Variants in AP3S2 observed in about 807,000 individuals in gnomAD.
AP3S2 encodes adaptor related protein complex 3 subunit sigma 2.
In AP3S2, 22 loss-of-function variants were observed where a neutral mutation model predicts 23.4. That is an observed-to-expected ratio of 0.94 (90% confidence interval 0.67 to 1.34). The LOEUF is 1.34. Among genes scored for constraint, AP3S2 ranks in the 40% most tolerant of loss-of-function variants. The pLI is 0.00. For missense variants in AP3S2, 241 were observed against 236.9 expected (o/e 1.02, Z -0.11); for synonymous variants, 86 against 87.1 (o/e 0.99, Z 0.07).
At chr15:89,846,192 C>T (rs1003066493) in intron 4 of AP3S2, among the ~76,000 whole-genome samples, 1 of 152,150 alleles carries the variant, frequency 6.6e-6, no homozygotes, top group Non-Finnish European at 1.5e-5. Context: ...GAGTGAAAGT[C>T]GGTGTTTTTA....
intron 3 of AP3S2, among the ~76,000 whole-genome samples, chr15:89,874,915 G>T (rs974147505): frequency 1.3e-5 from 2 of 151,196 alleles, no homozygotes; most frequent in African/African-American, 4.8e-5. Flanking sequence ...ATTTTAAGTT[G>T]GTGGGGAAAA....
intron 4 of AP3S2, among the ~76,000 whole-genome samples, chr15:89,844,638 T>C (rs1285571185): frequency 6.6e-6 from 1 of 151,770 alleles, no homozygotes; most frequent in Admixed American, 6.6e-5. Context: ...TGTGAGCCAA[T>C]GTGCCCAACC....
chr15:89,868,203 G>A (rs1290486776), intron 4 of AP3S2, among the ~76,000 whole-genome samples: 7 of 59,798 alleles, frequency 1.2e-4, no homozygotes, highest in East Asian at 6.4e-4. Context: ...TGCCCCGTCC[G>A]GGAGGGAGGT....
chr15:89,854,393 G>A (rs1466285020), intron 4 of AP3S2, among the ~76,000 whole-genome samples: 9 of 50,688 alleles, frequency 1.8e-4, no homozygotes, highest in African/African-American at 6.4e-4. Flanking sequence ...GGAGGGAGGT[G>A]GGGGGGTCAG....
At chr15:89,870,081 C>T (rs1896282873) in intron 4 of AP3S2, among the ~76,000 whole-genome samples, 2 of 152,126 alleles carry the variant, frequency 1.3e-5, no homozygotes, top group Admixed American at 1.3e-4. Flanking sequence ...ACAATAAGGC[C>T]TACAGAAGGC....
chr15:89,869,841 C>T (rs1896277967), intron 4 of AP3S2, among the ~76,000 whole-genome samples: 1 of 151,986 alleles, frequency 6.6e-6, no homozygotes, highest in East Asian at 1.9e-4. Flanking sequence ...GCAACCTCCG[C>T]CTCCCGGGTT....
Position 89,834,436 on chromosome 15 carries a change from G to C in AP3S2, c.*1079C>G, listed in dbSNP as rs985242784. On this transcript the variant is annotated 3_prime_UTR_variant, in exon 6 of 6. Transcript: ENST00000336418. ...TGAGGAGGGACCTCTGGCATGTGTGGGTGTGTGGTGGGTCCCTCTCCCTAT... is the reference window on the plus strand; with the variant it reads ...TGAGGAGGGACCTCTGGCATGTGTGCGTGTGTGGTGGGTCCCTCTCCCTAT... 6.6e-6 allele frequency: 1 copy of C among 152,246 alleles called. No homozygotes were observed. The highest frequency in any genetic ancestry group is 1.5e-5 in the Non-Finnish European group (1 of 68,086). The allele number at this position is 152,246 out of a possible 1,614,324, so 9.4% of individuals were successfully genotyped here.
At chr15:89,852,884 A>T (rs914077388) in intron 4 of AP3S2, among the ~76,000 whole-genome samples, 3 of 152,164 alleles carry the variant, frequency 2.0e-5, no homozygotes, top group Non-Finnish European at 2.9e-5. Context: ...AGTTACAAAA[A>T]TAGTTCAGTA....
intron 4 of AP3S2, among the ~76,000 whole-genome samples, chr15:89,843,617 G>T (rs1225840644): frequency 6.6e-6 from 1 of 152,042 alleles, no homozygotes; most frequent in African/African-American, 2.4e-5. Flanking sequence ...CCTGGGTGAT[G>T]GAGCGAGACT....
intron 3 of AP3S2, among the ~76,000 whole-genome samples, chr15:89,879,011 G>A (rs1045599967): frequency 2.0e-5 from 3 of 152,220 alleles, no homozygotes; most frequent in Admixed American, 2.0e-4. Context: ...CTCCCAAAGC[G>A]TTGGGATTAC....
At chr15:89,872,062 T>A (rs1255510905) in intron 3 of AP3S2, among the ~76,000 whole-genome samples, 1 of 146,472 alleles carries the variant, frequency 6.8e-6, no homozygotes, top group Admixed American at 7.0e-5. Flanking sequence ...GAGGTTGCCA[T>A]AAGCAGAGAT....
intron 5 of AP3S2, 58 bp from the exon 6 acceptor site, chr15:89,835,701 TAAAAAAAAAA>T: frequency 4.8e-6 from 5 of 1,040,110 alleles, no homozygotes; most frequent in South Asian, 2.3e-5. Flanking sequence ...TGCTTAATGC[TAAAAAAAAAA>T]AAAAAAAAAA....
At chr15:89,867,713 G>A (rs1341446690) in intron 4 of AP3S2, among the ~76,000 whole-genome samples, 10 of 136,094 alleles carry the variant, frequency 7.3e-5, no homozygotes, top group African/African-American at 2.8e-4. Context: ...GACCCCGTCT[G>A]GGAGGTAAGG....
At chr15:89,893,573 C>A in intron 1 of AP3S2, 1 of 418,576 alleles carries the variant, frequency 2.4e-6, no homozygotes, top group East Asian at 3.5e-5. Flanking sequence ...CACTCAAGTT[C>A]TCATCGAGGC....
intron 4 of AP3S2, among the ~76,000 whole-genome samples, chr15:89,868,929 C>T: frequency 6.9e-6 from 1 of 145,414 alleles, no homozygotes. Context: ...GGCCAGCCGC[C>T]CCGTCCGGGA....
intron 3 of AP3S2, chr15:89,877,299 A>G (rs1262988893): frequency 7.5e-7 from 1 of 1,329,048 alleles, no homozygotes; most frequent in Non-Finnish European, 1.0e-6. Context: ...TTTGAAAAAG[A>G]TCATACTTTT....
At chr15:89,837,785 G>C in intron 4 of AP3S2, 63 bp from the exon 5 acceptor site, 1 of 1,600,070 alleles carries the variant, frequency 6.2e-7, no homozygotes, top group Non-Finnish European at 8.5e-7. Flanking sequence ...TAACCCACGA[G>C]GTTTCCTTTT....
intron 4 of AP3S2, among the ~76,000 whole-genome samples, chr15:89,865,119 C>T (rs1596205018): frequency 6.6e-6 from 1 of 152,264 alleles, no homozygotes; most frequent in East Asian, 1.9e-4. Context: ...GTTTATTTCT[C>T]TCATACTATG....
At chr15:89,888,944 G>A (rs926396034) in intron 2 of AP3S2, 105 bp downstream of exon 2, 8 of 1,342,148 alleles carry the variant, frequency 6.0e-6, no homozygotes, top group African/African-American at 1.5e-5. Flanking sequence ...ACCAGCTAAA[G>A]TTGCATCAAG....
Sources: gnomAD v4.1 joint callset for allele counts (sites outside exome capture counted in the v4.1 genomes callset) on GRCh38, gnomAD v4.1.1 for gene constraint, MANE v1.5 for transcripts, NCBI Gene and HGNC (gene_info 2026-07-23, HGNC 2026-07-21) for gene names.